Variants in CFAP97D2 observed in about 807,000 individuals in gnomAD.
The protein encoded by CFAP97D2 is CFAP97 domain containing 2, also known as uncharacterized protein CFAP97D2.
intron 4 of CFAP97D2, among the ~76,000 whole-genome samples, chr13:114,221,050 C>T (rs1176037357): frequency 6.6e-6 from 1 of 152,222 alleles, no homozygotes; most frequent in African/African-American, 2.4e-5. Flanking sequence ...AGATCGAGAC[C>T]ATCCTGGCCA....
chr13:114,180,413 T>C (rs534882376), intron 1 of CFAP97D2, among the ~76,000 whole-genome samples: 12 of 152,096 alleles, frequency 7.9e-5, no homozygotes, highest in Admixed American at 7.2e-4. Flanking sequence ...GCACCTGCTG[T>C]CTCCTTTGAG....
rs189412112 is a variant in CFAP97D2 at position 114,187,096 on chromosome 13, T to C, written c.90+7676T>C. ...TACTCACACTACCTGTTAAGCAATA[T>C]AGTGTTATTTGAAAGTGGACTTGAG... is the stretch of plus-strand genomic sequence containing the variant. On this transcript the variant is annotated intron_variant, in intron 1 of 4. Coordinates refer to ENST00000646158, the Ensembl canonical transcript of CFAP97D2. The surrounding 1 kb of genome is among the most constrained non-coding windows in gnomAD (Gnocchi z 4.2). Among the ~76,000 whole-genome samples, 4 of 152,328 alleles carry C rather than the reference T, an allele frequency of 2.6e-5. No individual in the cohort carries two copies. Among genetic ancestry groups the C allele is most frequent in the Admixed American group, 2.0e-4 (3 of 15,308 alleles).
At chr13:114,182,415 A>G (rs529466410) in intron 1 of CFAP97D2, among the ~76,000 whole-genome samples, 145 of 151,948 alleles carry the variant, frequency 9.5e-4, no homozygotes, top group African/African-American at 3.3e-3. Context: ...GGCAGGCAGG[A>G]GACAGTGGCC....
At chr13:114,183,023 G>A (rs2080842384) in intron 1 of CFAP97D2, among the ~76,000 whole-genome samples, 1 of 152,024 alleles carries the variant, frequency 6.6e-6, no homozygotes, top group African/African-American at 2.4e-5. Flanking sequence ...CCTCTTCCCT[G>A]TGCTACCTGG....
At chr13:114,184,599 G>A (rs142895270) in intron 1 of CFAP97D2, among the ~76,000 whole-genome samples, 12 of 152,160 alleles carry the variant, frequency 7.9e-5, no homozygotes, top group African/African-American at 2.2e-4. Flanking sequence ...TCCAGAGGAA[G>A]GGAAGCAAGA....
chr13:114,203,115 A>C lies in CFAP97D2; in HGVS notation c.290+2672A>C, dbSNP rs2138772912. Among the ~76,000 whole-genome samples, 1 of 152,374 alleles carries C rather than the reference A, an allele frequency of 6.6e-6. No individual in the cohort carries two copies. The highest frequency in any genetic ancestry group is 2.4e-5 in the African/African-American group (1 of 41,592). On this transcript the variant is annotated intron_variant, in intron 3 of 4. Coordinates refer to ENST00000646158, the Ensembl canonical transcript of CFAP97D2. The surrounding 1 kb of genome is among the most constrained non-coding windows in gnomAD (Gnocchi z 4.3). ...AAAATAAAAGACATCGAAATTGGGAAGGAAGAAGCAAACTATTTCTATTCA... is the reference window on the plus strand; with the variant it reads ...AAAATAAAAGACATCGAAATTGGGACGGAAGAAGCAAACTATTTCTATTCA...
At chr13:114,181,039 A>G (rs974601521) in intron 1 of CFAP97D2, among the ~76,000 whole-genome samples, 12 of 152,226 alleles carry the variant, frequency 7.9e-5, no homozygotes, top group South Asian at 2.1e-4. Flanking sequence ...TACTGGGTCC[A>G]AGGATGGAGT....
intron 1 of CFAP97D2, among the ~76,000 whole-genome samples, chr13:114,192,667 G>A (rs1223586384): frequency 2.0e-5 from 3 of 151,904 alleles, no homozygotes; most frequent in Non-Finnish European, 4.4e-5. Context: ...CACCAAAAAA[G>A]TAAAAAAACA....
intron 4 of CFAP97D2, among the ~76,000 whole-genome samples, chr13:114,213,786 C>T (rs2080981335): frequency 6.7e-6 from 1 of 149,602 alleles, no homozygotes; most frequent in Non-Finnish European, 1.5e-5. Context: ...AGACCCCACC[C>T]CTGGACAAGC....
chr13:114,219,594 C>T (rs1335077767), intron 4 of CFAP97D2, among the ~76,000 whole-genome samples: 1 of 152,226 alleles, frequency 6.6e-6, no homozygotes, highest in Non-Finnish European at 1.5e-5. Context: ...CAGCCACAGA[C>T]CAGTCACTGC....
chr13:114,183,420 G>A lies in CFAP97D2; in HGVS notation c.90+4000G>A, dbSNP rs141471544. On this transcript the variant is annotated intron_variant, in intron 1 of 4. Transcript: ENST00000646158. ...TGACCTCAGGTGATTAGCCTGCCTCGACCTCCCAAAGTGCTAGGATTACAG... is the reference window on the plus strand; with the variant it reads ...TGACCTCAGGTGATTAGCCTGCCTCAACCTCCCAAAGTGCTAGGATTACAG... Among the ~76,000 whole-genome samples the A allele has an allele frequency of 2.6e-3, 392 of 152,016 alleles. 2 individuals are homozygous for A. Among genetic ancestry groups the A allele is most frequent in the African/African-American group, 9.0e-3 (375 of 41,460 alleles).
chr13:114,180,257 C>G (rs1180494160), intron 1 of CFAP97D2, among the ~76,000 whole-genome samples: 1 of 152,210 alleles, frequency 6.6e-6, no homozygotes, highest in Admixed American at 6.5e-5. Flanking sequence ...CTGTAATGAT[C>G]TTAAGTGACT....
intron 1 of CFAP97D2, among the ~76,000 whole-genome samples, chr13:114,182,093 G>T (rs990866963): frequency 1.3e-5 from 2 of 150,668 alleles, no homozygotes; most frequent in African/African-American, 4.9e-5. Flanking sequence ...AGTTTTTATT[G>T]ATTATTATTT....
At chr13:114,213,911 A>C (rs1240796165) in intron 4 of CFAP97D2, among the ~76,000 whole-genome samples, 8 of 69,236 alleles carry the variant, frequency 1.2e-4, no homozygotes, top group Admixed American at 4.0e-4. Context: ...CACAAACCCC[A>C]CCCCTGGACA....
intron 2 of CFAP97D2, among the ~76,000 whole-genome samples, chr13:114,197,281 A>G (rs188061426): frequency 0.012 from 1,860 of 149,012 alleles, 26 homozygotes; most frequent in African/African-American, 0.034. Context: ...ATAGTTATAT[A>G]TTTTTTAAAC....
chr13:114,188,800 A>G (rs963568679), intron 1 of CFAP97D2, among the ~76,000 whole-genome samples: 6 of 150,822 alleles, frequency 4.0e-5, no homozygotes, highest in African/African-American at 1.5e-4. Flanking sequence ...AAGAAACTCA[A>G]AAAAAGAAAA....
intron 1 of CFAP97D2, among the ~76,000 whole-genome samples, chr13:114,191,160 C>G (rs1050397341): frequency 5.3e-5 from 8 of 151,904 alleles, no homozygotes; most frequent in African/African-American, 1.9e-4. Flanking sequence ...CCTAGAGGAC[C>G]ATGAGTATGG....
intron 1 of CFAP97D2, among the ~76,000 whole-genome samples, chr13:114,180,703 A>G (rs982919725): frequency 2.0e-5 from 3 of 152,182 alleles, no homozygotes; most frequent in African/African-American, 7.2e-5. Flanking sequence ...AAAGATGGAA[A>G]GCAGTGGGTA....
intron 2 of CFAP97D2, among the ~76,000 whole-genome samples, chr13:114,200,101 C>T (rs563522054): frequency 4.3e-5 from 6 of 138,556 alleles, no homozygotes; most frequent in Non-Finnish European, 9.3e-5. Flanking sequence ...CCCGTGCTTA[C>T]GGTCCCCGCT....
Sources: gnomAD v4.1 joint callset for allele counts (sites outside exome capture counted in the v4.1 genomes callset) on GRCh38, gnomAD v4.1.1 for gene constraint, Gnocchi (gnomAD v3.1) non-coding constraint, MANE v1.5 for transcripts, NCBI Gene and HGNC (gene_info 2026-07-23, HGNC 2026-07-21) for gene names.